The following MYO3B variants were observed in gnomAD, a reference collection of about 807,000 sequenced individuals.
MYO3B encodes myosin-IIIb.
A neutral mutation model predicts 174.6 loss-of-function variants in MYO3B; 156 were observed. The ratio of observed to expected loss-of-function variants is 0.89; its 90% CI spans 0.78 to 1.02. The LOEUF (loss-of-function observed/expected upper bound fraction) is 1.02. MYO3B is among the 50% of genes least tolerant of loss of function. The probability of loss-of-function intolerance (pLI) is 0.00; values close to 1 mark genes in which losing one functional copy is unlikely to be tolerated. For missense variants in MYO3B, 1,632 were observed against 1,639.4 expected, an observed-to-expected ratio of 1.00 and a Z score of 0.08; for synonymous variants, 563 against 569.1, an observed-to-expected ratio of 0.99 and a Z score of 0.15.
At chr2:170,564,639 A>C (rs1215648222) in intron 32 of MYO3B, among the ~76,000 whole-genome samples, 1 of 152,242 alleles carries the variant, frequency 6.6e-6, no homozygotes, top group East Asian at 1.9e-4. Flanking sequence ...CAATTTTTAT[A>C]CAAAAATATT....
intron 7 of MYO3B, among the ~76,000 whole-genome samples, chr2:170,322,148 A>T (rs1353254034): frequency 6.6e-6 from 1 of 151,576 alleles, no homozygotes; most frequent in Non-Finnish European, 1.5e-5. Context: ...GCAGCACTAT[A>T]ATATAGCACA....
intron 7 of MYO3B, among the ~76,000 whole-genome samples, chr2:170,244,307 G>T (rs1389803882): frequency 2.0e-5 from 3 of 152,094 alleles, no homozygotes; most frequent in Non-Finnish European, 4.4e-5. Flanking sequence ...ATTCAAAATT[G>T]AGTCCCATTT....
At chr2:170,496,450 G>A (rs1315575222) in intron 25 of MYO3B, among the ~76,000 whole-genome samples, 2 of 151,816 alleles carry the variant, frequency 1.3e-5, no homozygotes, top group African/African-American at 4.8e-5. Flanking sequence ...CTTTGACAAA[G>A]AAATTAAGTT....
At chr2:170,217,644 G>C (rs938421971) in intron 6 of MYO3B, among the ~76,000 whole-genome samples, 1 of 152,166 alleles carries the variant, frequency 6.6e-6, no homozygotes, top group Non-Finnish European at 1.5e-5. Flanking sequence ...TCCAGAAGAT[G>C]CAGCCCCCTC....
intron 34 of MYO3B, among the ~76,000 whole-genome samples, chr2:170,652,781 C>T (rs181601314): frequency 2.6e-5 from 4 of 152,242 alleles, no homozygotes; most frequent in East Asian, 3.9e-4. Context: ...TATCAGTGCA[C>T]GACCCAAAGG....
At chr2:170,193,811 CT>C (rs1462898486) in intron 1 of MYO3B, among the ~76,000 whole-genome samples, 4 of 151,968 alleles carry the variant, frequency 2.6e-5, no homozygotes, top group Admixed American at 2.6e-4. Flanking sequence ...TTAATATTGT[CT>C]TTTTGCTTGG....
chr2:170,456,061 T>C (rs1683889675), intron 23 of MYO3B, among the ~76,000 whole-genome samples: 2 of 151,884 alleles, frequency 1.3e-5, no homozygotes, highest in African/African-American at 4.8e-5. Context: ...TTAACGGGAA[T>C]AGGGGAGAAT....
chr2:170,187,243 GT>G (rs568721147), intron 1 of MYO3B, among the ~76,000 whole-genome samples: 1 of 150,428 alleles, frequency 6.6e-6, no homozygotes, highest in African/African-American at 2.4e-5. Flanking sequence ...TTTTTGTTTT[GT>G]TTTTTTCAGA....
In MYO3B at chr2:170,300,053, CT is replaced by C. The variant is rs1425686470; in HGVS notation, c.750-35329del. Among the ~76,000 whole-genome samples the C allele has an allele frequency of 6.7e-5, 10 of 149,738 alleles. No individual in the cohort carries two copies. In the East Asian group the frequency reaches 9.6e-4, roughly 14 times the overall value. ...CTTTTAAAAATACTTTCATGTCTTG[CT>C]TTGTTTGATCCTCACACCCGCTCTG... On this transcript the variant is annotated intron_variant, in intron 7 of 34. Transcript: ENST00000408978.
chr2:170,654,036 G>C lies in MYO3B; in HGVS notation c.*915G>C, dbSNP rs1699156256. The stretch of plus-strand genomic sequence containing the variant: ...ATCTAGTGAATGGAGAATACATGGA[G>C]AAACTTAACTAAGTTACACAAGCAT... On this transcript the variant is annotated 3_prime_UTR_variant, in exon 35 of 35. Transcript: ENST00000408978. 1 of 152,160 alleles carries C rather than the reference G, an allele frequency of 6.6e-6. No individual in the cohort carries two copies. Among genetic ancestry groups the C allele is most frequent in the Non-Finnish European group, 1.5e-5 (1 of 68,036 alleles). 9.4% of individuals were successfully genotyped at this position (152,160 alleles called of 1,614,324 possible).
intron 7 of MYO3B, among the ~76,000 whole-genome samples, chr2:170,310,494 C>T (rs1432235979): frequency 2.6e-5 from 4 of 151,852 alleles, no homozygotes; most frequent in Non-Finnish European, 5.9e-5. Flanking sequence ...AAAACCTCAT[C>T]TCTACTAAAA....
chr2:170,226,339 C>T (rs909065043), intron 6 of MYO3B, among the ~76,000 whole-genome samples: 3 of 152,210 alleles, frequency 2.0e-5, no homozygotes, highest in African/African-American at 7.2e-5. Flanking sequence ...TTGCTGTTGC[C>T]TGGTTCACCC....
intron 25 of MYO3B, among the ~76,000 whole-genome samples, chr2:170,467,263 G>A (rs1470367660): frequency 1.3e-5 from 2 of 152,192 alleles, no homozygotes; most frequent in Admixed American, 1.3e-4. Flanking sequence ...AAGAAAGTAA[G>A]TGATTTTCCC....
intron 28 of MYO3B, among the ~76,000 whole-genome samples, chr2:170,502,224 C>T (rs555027581): frequency 1.3e-5 from 2 of 152,314 alleles, no homozygotes; most frequent in African/African-American, 4.8e-5. Context: ...ATAGAGTCAG[C>T]ATCGCATACT....
chr2:170,305,404 G>A (rs2093694648), intron 7 of MYO3B, among the ~76,000 whole-genome samples: 1 of 152,024 alleles, frequency 6.6e-6, no homozygotes, highest in Non-Finnish European at 1.5e-5. Context: ...AAATGTTTCT[G>A]CCTATTTTTC....
intron 22 of MYO3B, among the ~76,000 whole-genome samples, chr2:170,424,314 G>C (rs563092247): frequency 1.3e-5 from 2 of 152,180 alleles, no homozygotes; most frequent in Admixed American, 6.5e-5. Flanking sequence ...TGTTGCTACT[G>C]TGTCTTTGAA....
chr2:170,329,418 G>A (rs953690893), intron 7 of MYO3B, among the ~76,000 whole-genome samples: 29 of 150,578 alleles, frequency 1.9e-4, no homozygotes, highest in African/African-American at 7.1e-4. Context: ...TTTTTTCTCT[G>A]TCGCCAGGCT....
intron 7 of MYO3B, among the ~76,000 whole-genome samples, chr2:170,254,836 C>T (rs2093289819): frequency 6.6e-6 from 1 of 152,206 alleles, no homozygotes; most frequent in African/African-American, 2.4e-5. Context: ...TGTTGGCTAG[C>T]CACAGCTTCT....
chr2:170,205,995 C>G (rs2092710244), intron 3 of MYO3B, among the ~76,000 whole-genome samples: 1 of 152,008 alleles, frequency 6.6e-6, no homozygotes, highest in African/African-American at 2.4e-5. Context: ...AAAGCCCATA[C>G]TCCTTAGCAG....
Sources: gnomAD v4.1 joint callset for allele counts (sites outside exome capture counted in the v4.1 genomes callset) on GRCh38, gnomAD v4.1.1 for gene constraint, MANE v1.5 for transcripts, NCBI Gene and HGNC (gene_info 2026-07-23, HGNC 2026-07-21) for gene names.